The following UBE2D3 variants were observed in gnomAD, a reference collection of about 807,000 sequenced individuals.
The protein encoded by UBE2D3 is ubiquitin-conjugating enzyme E2 D3.
Under a neutral mutation model 22.8 loss-of-function variants are expected in UBE2D3, and 2 were observed. The observed-to-expected ratio is 0.09, with a 90% CI of 0.04 to 0.28. The LOEUF (loss-of-function observed/expected upper bound fraction) is 0.28. UBE2D3 is among the 10% of genes least tolerant of loss of function. The probability of loss-of-function intolerance (pLI) is 1.00; values close to 1 mark genes in which losing one functional copy is unlikely to be tolerated. For missense variants in UBE2D3, 27 were observed against 182.5 expected (o/e 0.15, Z 4.91); for synonymous variants, 56 against 60.4 (o/e 0.93, Z 0.34).
intron 1 of UBE2D3, among the ~76,000 whole-genome samples, chr4:102,864,770 G>A (rs1733068569): frequency 6.6e-6 from 1 of 152,178 alleles, no homozygotes; most frequent in Non-Finnish European, 1.5e-5. Context: ...TATCTTGCTA[G>A]ATATTAACAC....
intron 2 of UBE2D3, chr4:102,810,604 T>TCCTGA (rs1290815718): frequency 2.6e-4 from 40 of 152,188 alleles, no homozygotes; most frequent in Admixed American, 2.4e-3. Context: ...GGTCTCGATC[T>TCCTGA]CCTGACCTCG....
chr4:102,825,697 A>C (rs1274863801), intron 2 of UBE2D3: 3 of 755,586 alleles, frequency 4.0e-6, no homozygotes, highest in African/African-American at 3.6e-5. Context: ...GGTGTTATTA[A>C]ATAGAATGAG....
upstream of UBE2D3, chr4:102,827,718 T>TCTC (rs34654981): frequency 0.51 from 499,291 of 985,380 alleles, 129,135 homozygotes; most frequent in African/African-American, 0.78. Context: ...CCCTTTTCCT[T>TCTC]CTTCTCGGAA....
upstream of UBE2D3, among the ~76,000 whole-genome samples, chr4:102,831,684 A>G (rs1578278008): frequency 2.0e-5 from 3 of 152,234 alleles, no homozygotes. Context: ...GATTCTGTTT[A>G]TGTGAAATGA....
At chr4:102,827,632 C>A (rs549038703), upstream of UBE2D3, 2 of 986,876 alleles carry the variant, frequency 2.0e-6, no homozygotes, top group Non-Finnish European at 2.4e-6. Flanking sequence ...GCCGCCGTCC[C>A]GAGCACAAGA....
intron 7 of UBE2D3, chr4:102,798,912 G>A (rs756306526): frequency 6.2e-7 from 1 of 1,611,212 alleles, no homozygotes; most frequent in Non-Finnish European, 8.5e-7. Flanking sequence ...GCACCATAGA[G>A]TGCAGATCCT....
At chr4:102,867,131 A>G (rs1387697818) in intron 1 of UBE2D3, among the ~76,000 whole-genome samples, 2 of 152,248 alleles carry the variant, frequency 1.3e-5, no homozygotes, top group African/African-American at 4.8e-5. Context: ...TACTTTAACA[A>G]TTTTGAACAA....
chr4:102,841,148 T>C (rs894774245), intron 1 of UBE2D3, among the ~76,000 whole-genome samples: 14 of 152,198 alleles, frequency 9.2e-5, no homozygotes, highest in African/African-American at 2.9e-4. Flanking sequence ...GATGGAACTT[T>C]AGTGGATACA....
chr4:102,841,780 C>T (rs1196225501), intron 1 of UBE2D3, among the ~76,000 whole-genome samples: 1 of 152,058 alleles, frequency 6.6e-6, no homozygotes, highest in African/African-American at 2.4e-5. Flanking sequence ...TGATTATTAC[C>T]AGTCTTATGA....
intron 2 of UBE2D3, among the ~76,000 whole-genome samples, chr4:102,815,498 T>G (rs1728664183): frequency 6.6e-6 from 1 of 152,240 alleles, no homozygotes; most frequent in South Asian, 2.1e-4. Flanking sequence ...AACACCATAC[T>G]ACTTCAACAT....
intron 4 of UBE2D3, among the ~76,000 whole-genome samples, chr4:102,808,581 C>T (rs1271991784): frequency 6.6e-6 from 1 of 152,134 alleles, no homozygotes; most frequent in African/African-American, 2.4e-5. Context: ...TTAATCCTCC[C>T]TGCTTCAATT....
At position 102,794,954 on chromosome 4, in the gene UBE2D3, A is replaced by G. The variant is rs1415756310; in HGVS notation, c.*2461T>C. 2.0e-5 allele frequency: 3 copies of G among 152,068 alleles called. No individual in the cohort carries two copies. Among genetic ancestry groups the G allele is most frequent in the Non-Finnish European group, 2.9e-5 (2 of 67,924 alleles). 9.4% of individuals were successfully genotyped at this position (152,068 alleles called of 1,614,324 possible). A position where few individuals can be genotyped will look rare whatever the true frequency, so the allele number is the denominator to read the frequency against. On this transcript the variant is annotated 3_prime_UTR_variant, in exon 8 of 8. Coordinates refer to ENST00000453744, the MANE Select transcript of UBE2D3 (RefSeq NM_181891.3). ...TCTAATACTCAGTTGGGTCCTATAC[A>G]TGGCACTAGTAATGTCAAATTACTG...
At chr4:102,847,623 C>A (rs778105486) in intron 1 of UBE2D3, among the ~76,000 whole-genome samples, 1 of 151,800 alleles carries the variant, frequency 6.6e-6, no homozygotes, top group African/African-American at 2.4e-5. Flanking sequence ...TTATGTTTTT[C>A]TTTTTCTTAT....
chr4:102,846,008 C>T (rs1211320811), intron 1 of UBE2D3, among the ~76,000 whole-genome samples: 1 of 152,138 alleles, frequency 6.6e-6, no homozygotes, highest in Non-Finnish European at 1.5e-5. Context: ...CCAGGCTGGT[C>T]TCGGACTCCT....
At chr4:102,852,996 T>A (rs1732437172) in intron 1 of UBE2D3, among the ~76,000 whole-genome samples, 1 of 152,108 alleles carries the variant, frequency 6.6e-6, no homozygotes, top group African/African-American at 2.4e-5. Context: ...GATTAAACAT[T>A]TCTGCTTATT....
At chr4:102,843,064 C>T (rs1731849482) in intron 1 of UBE2D3, among the ~76,000 whole-genome samples, 1 of 152,064 alleles carries the variant, frequency 6.6e-6, no homozygotes, top group Non-Finnish European at 1.5e-5. Context: ...GAGCCGAGAT[C>T]TTGCCACTGC....
chr4:102,837,412 A>G (rs989608284), intron 1 of UBE2D3, among the ~76,000 whole-genome samples: 2 of 152,236 alleles, frequency 1.3e-5, no homozygotes, highest in African/African-American at 4.8e-5. Context: ...GATATGGTAT[A>G]TTTTACAAGT....
intron 1 of UBE2D3, among the ~76,000 whole-genome samples, chr4:102,833,885 T>G (rs1335506246): frequency 1.3e-5 from 2 of 152,168 alleles, no homozygotes; most frequent in Non-Finnish European, 2.9e-5. Context: ...AATTCCAAAT[T>G]GATAACAGGA....
At chr4:102,836,304 G>A (rs1186635019) in intron 1 of UBE2D3, among the ~76,000 whole-genome samples, 1 of 151,606 alleles carries the variant, frequency 6.6e-6, no homozygotes, top group African/African-American at 2.4e-5. Flanking sequence ...TCGCCACCAC[G>A]CCGGCTAATT....
Sources: allele counts gnomAD v4.1 joint callset (sites outside exome capture counted in the v4.1 genomes callset), GRCh38; gene constraint gnomAD v4.1.1; transcripts MANE v1.5; gene names NCBI Gene and HGNC (gene_info 2026-07-23, HGNC 2026-07-21).